The following EXOC4 variants were observed in gnomAD, a reference collection of about 807,000 sequenced individuals.
The protein encoded by EXOC4 is SEC8-like 1.
Under a neutral mutation model 107.2 loss-of-function variants are expected in EXOC4, and 71 were observed. That is an observed-to-expected ratio of 0.66 (90% CI 0.55 to 0.81). EXOC4 has a LOEUF of 0.81. Among genes scored for constraint, EXOC4 ranks in the 30% least tolerant of loss-of-function variants. EXOC4 has a pLI of 0.00. For synonymous variants in EXOC4, 456 were observed against 441.2 expected (o/e 1.03, Z -0.42); for missense variants, 1,108 against 1,189.6 (o/e 0.93, Z 1.01).
intron 9 of EXOC4, among the ~76,000 whole-genome samples, chr7:133,532,383 AG>A (rs1800196981): frequency 1.3e-5 from 2 of 152,152 alleles, no homozygotes; most frequent in Non-Finnish European, 2.9e-5. Context: ...AACTCCTCTT[AG>A]GAAATGAGTA....
chr7:133,504,081 T>G (rs1018114221), intron 9 of EXOC4, among the ~76,000 whole-genome samples: 1 of 152,116 alleles, frequency 6.6e-6, no homozygotes, highest in Non-Finnish European at 1.5e-5. Context: ...TTGGAGAGCC[T>G]TATTATCAAC....
chr7:133,370,651 G>A (rs1025718003), intron 6 of EXOC4, among the ~76,000 whole-genome samples: 1 of 152,276 alleles, frequency 6.6e-6, no homozygotes, highest in Non-Finnish European at 1.5e-5. Context: ...ATGGGAGGCA[G>A]GTTTGCACTA....
intron 11 of EXOC4, among the ~76,000 whole-genome samples, chr7:133,849,954 T>TCA (rs1490854012): frequency 1.3e-5 from 2 of 152,250 alleles, no homozygotes; most frequent in Non-Finnish European, 2.9e-5. Flanking sequence ...ATATGAAATA[T>TCA]TACTGTTTTC....
chr7:133,493,823 C>G (rs1799421635), intron 9 of EXOC4, among the ~76,000 whole-genome samples: 1 of 152,152 alleles, frequency 6.6e-6, no homozygotes, highest in African/African-American at 2.4e-5. Flanking sequence ...CACTTGGTGA[C>G]CTTTAGTGAA....
At chr7:133,507,301 T>G (rs1285823321) in intron 9 of EXOC4, among the ~76,000 whole-genome samples, 1 of 152,208 alleles carries the variant, frequency 6.6e-6, no homozygotes, top group Admixed American at 6.5e-5. Flanking sequence ...CAAGATTTCA[T>G]TAAGTTTTTA....
intron 11 of EXOC4, among the ~76,000 whole-genome samples, chr7:133,887,131 G>C (rs1799101854): frequency 1.3e-5 from 2 of 152,184 alleles, no homozygotes; most frequent in South Asian, 4.1e-4. Flanking sequence ...TTGACCTCCA[G>C]TGGGTATGCA....
At chr7:133,399,821 C>G (rs1018517675) in intron 7 of EXOC4, among the ~76,000 whole-genome samples, 1 of 152,146 alleles carries the variant, frequency 6.6e-6, no homozygotes, top group Non-Finnish European at 1.5e-5. Context: ...GCATGTGTCC[C>G]AAGCAGGGAA....
At chr7:133,516,748 C>A (rs1399930333) in intron 9 of EXOC4, among the ~76,000 whole-genome samples, 2 of 9,024 alleles carry the variant, frequency 2.2e-4, no homozygotes, top group Non-Finnish European at 9.1e-4. Context: ...AACTGCCAAA[C>A]TAGCTGCTCA....
intron 9 of EXOC4, among the ~76,000 whole-genome samples, chr7:133,545,525 A>T (rs1800463592): frequency 6.6e-6 from 1 of 151,978 alleles, no homozygotes; most frequent in African/African-American, 2.4e-5. Context: ...TCTTTTTCTT[A>T]TTTCTTCCTA....
At chr7:133,471,247 A>G (rs1798869295) in intron 7 of EXOC4, among the ~76,000 whole-genome samples, 2 of 152,098 alleles carry the variant, frequency 1.3e-5, no homozygotes, top group Admixed American at 6.6e-5. Flanking sequence ...CCCAGTCTCT[A>G]CTACAAATAC....
intron 10 of EXOC4, among the ~76,000 whole-genome samples, chr7:133,775,888 A>G (rs1796334998): frequency 6.6e-6 from 1 of 152,176 alleles, no homozygotes; most frequent in African/African-American, 2.4e-5. Flanking sequence ...TCAGGAAAGG[A>G]TTTCTAGGAG....
intron 10 of EXOC4, among the ~76,000 whole-genome samples, chr7:133,755,279 AT>A (rs1795886896): frequency 9.6e-6 from 1 of 103,842 alleles, no homozygotes; most frequent in Non-Finnish European, 1.9e-5. Flanking sequence ...TATATTATAT[AT>A]ATTATATACA....
At chr7:133,687,095 A>C (rs187221072) in intron 10 of EXOC4, among the ~76,000 whole-genome samples, 2 of 151,828 alleles carry the variant, frequency 1.3e-5, no homozygotes, top group African/African-American at 2.4e-5. Context: ...AATTAATGGC[A>C]TTTGCAGCAA....
chr7:133,639,530 AC>A (rs1189616597), intron 10 of EXOC4, among the ~76,000 whole-genome samples: 1 of 152,122 alleles, frequency 6.6e-6, no homozygotes, highest in Non-Finnish European at 1.5e-5. Context: ...TTTTCTCAGG[AC>A]TTTATTATTT....
chr7:134,086,604 A>T, the EXOC4 span, among the ~76,000 whole-genome samples: 1 of 152,140 alleles, frequency 6.6e-6, no homozygotes, highest in Non-Finnish European at 1.5e-5. Flanking sequence ...TTTCCCTCTC[A>T]AGGCAGTGGT....
chr7:133,799,935 G>A (rs1207643168), intron 10 of EXOC4, among the ~76,000 whole-genome samples: 2 of 152,246 alleles, frequency 1.3e-5, no homozygotes, highest in East Asian at 3.9e-4. Flanking sequence ...CACACTCAAA[G>A]GAGCAGGTTA....
chr7:134,016,414 G>A (rs1794909526), intron 17 of EXOC4, among the ~76,000 whole-genome samples: 1 of 152,154 alleles, frequency 6.6e-6, no homozygotes, highest in South Asian at 2.1e-4. Context: ...CATAGCACAA[G>A]GACAGAACAC....
chr7:133,576,291 TATGG>T (rs1316821260), intron 9 of EXOC4, among the ~76,000 whole-genome samples: 2 of 152,146 alleles, frequency 1.3e-5, no homozygotes, highest in Non-Finnish European at 1.5e-5. Flanking sequence ...GAATTACACA[TATGG>T]CCTAGAATGA....
intron 10 of EXOC4, among the ~76,000 whole-genome samples, chr7:133,695,502 G>A (rs1198051608): frequency 1.3e-5 from 2 of 152,008 alleles, no homozygotes; most frequent in Non-Finnish European, 2.9e-5. Context: ...TAATAAGAAA[G>A]TAGACTTTGT....
Sources: gnomAD v4.1 joint callset for allele counts (sites outside exome capture counted in the v4.1 genomes callset) on GRCh38, gnomAD v4.1.1 for gene constraint, MANE v1.5 for transcripts, NCBI Gene and HGNC (gene_info 2026-07-23, HGNC 2026-07-21) for gene names.